The following KCTD8 variants were observed in gnomAD, a reference collection of about 807,000 sequenced individuals.
KCTD8 encodes potassium channel tetramerization domain containing 8.
KCTD8 carries 27 observed loss-of-function variants against 31.5 expected under a neutral mutation model. That is an observed-to-expected ratio of 0.86 (90% CI 0.63 to 1.18). The LOEUF is 1.18. KCTD8 is among the 50% of genes most tolerant of loss of function. The pLI is 0.00. For synonymous variants in KCTD8, 290 were observed against 280.0 expected, an observed-to-expected ratio of 1.04 and a Z score of -0.36; for missense variants, 658 against 647.7, an observed-to-expected ratio of 1.02 and a Z score of -0.17.
At chr4:44,438,246 T>C (rs569977796) in intron 1 of KCTD8, among the ~76,000 whole-genome samples, 2 of 152,186 alleles carry the variant, frequency 1.3e-5, no homozygotes, top group African/African-American at 4.8e-5. Context: ...TTAGAGCTGA[T>C]TGACAGCTAA....
chr4:44,264,216 T>C (rs1475056644), intron 1 of KCTD8, among the ~76,000 whole-genome samples: 1 of 152,222 alleles, frequency 6.6e-6, no homozygotes, highest in African/African-American at 2.4e-5. Context: ...CCTGTAATCT[T>C]TAAGTTCAAA....
intron 1 of KCTD8, among the ~76,000 whole-genome samples, chr4:44,317,281 G>A (rs1384058918): frequency 1.8e-4 from 16 of 90,494 alleles, no homozygotes; most frequent in Admixed American, 6.2e-4. Flanking sequence ...CGCCCAGGCC[G>A]GACTGCGGAC....
In KCTD8 at chr4:44,351,612, C is replaced by G. The variant is rs1251682246; in HGVS notation, c.961+95951G>C. On this transcript the variant is annotated intron_variant, in intron 1 of 1. Transcript: ENST00000360029. Reference sequence around the variant, plus strand: ...GGAGATGTCTGAAATGAGAGGAACACTGAGTTTTAAGGGCTTAAGGTTCAC... The same window carrying G: ...GGAGATGTCTGAAATGAGAGGAACAGTGAGTTTTAAGGGCTTAAGGTTCAC... 2.0e-5 allele frequency among the ~76,000 whole-genome samples: 3 copies of G among 152,182 alleles called. No individual in the cohort carries two copies. In the East Asian group the frequency reaches 5.8e-4, roughly 29 times the overall value.
intron 1 of KCTD8, among the ~76,000 whole-genome samples, chr4:44,401,414 G>C (rs1426329322): frequency 6.6e-6 from 1 of 152,114 alleles, no homozygotes; most frequent in Non-Finnish European, 1.5e-5. Context: ...ACAAAGGAGT[G>C]TACAGGCCAA....
intron 1 of KCTD8, among the ~76,000 whole-genome samples, chr4:44,305,603 A>G (rs1717779161): frequency 1.3e-5 from 2 of 151,908 alleles, no homozygotes; most frequent in South Asian, 4.1e-4. Flanking sequence ...CTATTGTTAT[A>G]CTAAGTGATT....
intron 1 of KCTD8, among the ~76,000 whole-genome samples, chr4:44,195,483 C>T (rs1325515792): frequency 6.6e-6 from 1 of 152,098 alleles, no homozygotes; most frequent in Non-Finnish European, 1.5e-5. Context: ...GAGGAAAGAT[C>T]ATACAGAAGA....
At chr4:44,178,986 T>A (rs560933882) in intron 1 of KCTD8, among the ~76,000 whole-genome samples, 3 of 152,296 alleles carry the variant, frequency 2.0e-5, no homozygotes, top group African/African-American at 7.2e-5. Flanking sequence ...ATGAGCTTTC[T>A]GCCTGATGAA....
At chr4:44,427,635 C>T (rs1301696929) in intron 1 of KCTD8, among the ~76,000 whole-genome samples, 1 of 151,342 alleles carries the variant, frequency 6.6e-6, no homozygotes, top group Non-Finnish European at 1.5e-5. Flanking sequence ...AAGAAACCTG[C>T]AAAGACTTAA....
chr4:44,315,806 G>A (rs184553787), intron 1 of KCTD8, among the ~76,000 whole-genome samples: 68 of 152,136 alleles, frequency 4.5e-4, no homozygotes, highest in African/African-American at 1.6e-3. Flanking sequence ...TGTTGCTGAC[G>A]AGAAGTCTGA....
At chr4:44,288,328 G>T (rs553486537) in intron 1 of KCTD8, among the ~76,000 whole-genome samples, 61 of 152,184 alleles carry the variant, frequency 4.0e-4, no homozygotes, top group African/African-American at 1.4e-3. Context: ...AAGAGATTGG[G>T]TGATTAGTAC....
At chr4:44,334,479 A>G (rs1210070187) in intron 1 of KCTD8, among the ~76,000 whole-genome samples, 1 of 152,108 alleles carries the variant, frequency 6.6e-6, no homozygotes, top group Non-Finnish European at 1.5e-5. Flanking sequence ...ATTCCAAGAA[A>G]TAACTGAAGG....
intron 1 of KCTD8, among the ~76,000 whole-genome samples, chr4:44,339,915 T>C (rs1718850600): frequency 6.6e-6 from 1 of 152,098 alleles, no homozygotes; most frequent in Admixed American, 6.6e-5. Context: ...AATACAACAA[T>C]GTTCAAGTCA....
intron 1 of KCTD8, among the ~76,000 whole-genome samples, chr4:44,441,783 C>T (rs191089096): frequency 1.3e-5 from 2 of 152,248 alleles, no homozygotes; most frequent in East Asian, 1.9e-4. Context: ...ATGCAAAACA[C>T]TTAGCATAAA....
intron 1 of KCTD8, among the ~76,000 whole-genome samples, chr4:44,196,310 A>G (rs1713940111): frequency 1.3e-5 from 2 of 152,348 alleles, no homozygotes; most frequent in Non-Finnish European, 1.5e-5. Context: ...GAATGTACAC[A>G]TATGAAGAAG....
chr4:44,418,823 A>G (rs1721141574), intron 1 of KCTD8, among the ~76,000 whole-genome samples: 1 of 152,216 alleles, frequency 6.6e-6, no homozygotes, highest in South Asian at 2.1e-4. Flanking sequence ...TAATGCATAC[A>G]AAGTGCTAAG....
intron 1 of KCTD8, 134 bp downstream of exon 1, chr4:44,447,429 G>A: frequency 1.5e-6 from 2 of 1,348,802 alleles, no homozygotes; most frequent in East Asian, 5.5e-5. Flanking sequence ...AATCGTGCAG[G>A]GAGAGCCGCT....
At chr4:44,385,736 T>A (rs1720196281) in intron 1 of KCTD8, among the ~76,000 whole-genome samples, 1 of 151,592 alleles carries the variant, frequency 6.6e-6, no homozygotes, top group Admixed American at 6.6e-5. Flanking sequence ...TTTCTGTGTA[T>A]CACATGATAA....
At chr4:44,216,733 T>C (rs1440051342) in intron 1 of KCTD8, among the ~76,000 whole-genome samples, 1 of 152,198 alleles carries the variant, frequency 6.6e-6, no homozygotes, top group Non-Finnish European at 1.5e-5. Flanking sequence ...ACAGTTCACA[T>C]ACATTGAAGT....
intron 1 of KCTD8, among the ~76,000 whole-genome samples, chr4:44,349,326 T>C (rs1314832714): frequency 6.6e-6 from 1 of 152,024 alleles, no homozygotes; most frequent in African/African-American, 2.4e-5. Context: ...GAAGGGAGTA[T>C]GGGTGAGGAA....
Sources: gnomAD v4.1 joint callset for allele counts (sites outside exome capture counted in the v4.1 genomes callset) on GRCh38, gnomAD v4.1.1 for gene constraint, MANE v1.5 for transcripts, NCBI Gene and HGNC (gene_info 2026-07-23, HGNC 2026-07-21) for gene names.